Variants in CTTNBP2 observed in about 807,000 individuals in gnomAD.
CTTNBP2 encodes the protein cortactin-binding protein 2.
CTTNBP2 carries 108 observed loss-of-function variants against 156.9 expected under a neutral mutation model. That is an observed-to-expected ratio of 0.69 (90% CI 0.59 to 0.81). CTTNBP2 has a LOEUF of 0.81. Among genes scored for constraint, CTTNBP2 ranks in the 30% least tolerant of loss-of-function variants. The pLI is 0.00. For synonymous variants in CTTNBP2, 767 were observed against 751.8 expected (o/e 1.02, Z -0.33); for missense variants, 1,924 against 2,035.4 (o/e 0.95, Z 1.05).
At chr7:117,782,342 C>T (rs1033942349) in intron 6 of CTTNBP2, among the ~76,000 whole-genome samples, 1 of 152,108 alleles carries the variant, frequency 6.6e-6, no homozygotes, top group Admixed American at 6.5e-5. Context: ...TTAATAGGGT[C>T]TCTTTAGCTT....
At position 117,765,955 on chromosome 7, in the gene CTTNBP2, C is replaced by T. The variant is rs78993671; in HGVS notation, c.2896+1104G>A. 1.5e-3 allele frequency among the ~76,000 whole-genome samples: 221 copies of T among 152,300 alleles called. 3 individuals carry two copies. The East Asian group carries it at 0.041, about 28-fold the overall frequency. On this transcript the variant is annotated intron_variant, in intron 9 of 22. Transcript: ENST00000160373. ...CCTTCCAATTCCCCACCTCTAATCA[C>T]ACCTCTATCCCAGCCATGCCAATAT...
intron 11 of CTTNBP2, among the ~76,000 whole-genome samples, chr7:117,757,528 TA>T (rs56687697): frequency 0.11 from 9,623 of 91,370 alleles, 705 homozygotes; most frequent in African/African-American, 0.26. Context: ...TTAAGCACAG[TA>T]AAAAAAAAAA....
chr7:117,756,722 A>T lies in CTTNBP2; in HGVS notation c.3269-88T>A, dbSNP rs1400610591. 5.4e-6 allele frequency: 5 copies of T among 933,258 alleles called. No individual in the cohort carries two copies. In the African/African-American group the frequency reaches 8.1e-5, roughly 15 times the overall value. The allele number at this position is 933,258 out of a possible 1,614,324, so 57.8% of individuals were successfully genotyped here. Reference sequence around the variant, plus strand: ...ACAACAGAATCTATCATAGAAGATGAATGTGTTTGTTGACTTATGTAGGCA... The same window carrying T: ...ACAACAGAATCTATCATAGAAGATGTATGTGTTTGTTGACTTATGTAGGCA... On this transcript the variant is annotated intron_variant, in intron 11 of 22. Transcript: ENST00000160373.
At chr7:117,798,852 T>C (rs1179288556) in intron 3 of CTTNBP2, among the ~76,000 whole-genome samples, 1 of 151,616 alleles carries the variant, frequency 6.6e-6, no homozygotes, top group Non-Finnish European at 1.5e-5. Context: ...AAAACACAAA[T>C]TACAAATAAC....
intron 2 of CTTNBP2, among the ~76,000 whole-genome samples, chr7:117,859,150 T>C (rs1202467412): frequency 1.3e-5 from 2 of 152,190 alleles, no homozygotes; most frequent in East Asian, 1.9e-4. Flanking sequence ...ATAAATTTCA[T>C]TGCAGGATAG....
At chr7:117,730,947 C>T (rs954070998) in intron 16 of CTTNBP2, among the ~76,000 whole-genome samples, 1 of 152,082 alleles carries the variant, frequency 6.6e-6, no homozygotes, top group African/African-American at 2.4e-5. Context: ...GAAATGTTTA[C>T]AGGAATTTCA....
chr7:117,821,657 C>T (rs1584490768), intron 2 of CTTNBP2, among the ~76,000 whole-genome samples: 2 of 148,968 alleles, frequency 1.3e-5, no homozygotes, highest in Admixed American at 1.3e-4. Flanking sequence ...GGTGCAATCT[C>T]GGCTCACTGC....
intron 6 of CTTNBP2, among the ~76,000 whole-genome samples, chr7:117,782,116 T>A (rs922302961): frequency 2.0e-5 from 3 of 152,220 alleles, no homozygotes; most frequent in Non-Finnish European, 4.4e-5. Context: ...CTGGAATTTG[T>A]TAAAGAACAT....
At chr7:117,871,839 C>G (rs1361631205) in intron 1 of CTTNBP2, 1 of 603,100 alleles carries the variant, frequency 1.7e-6, no homozygotes, top group Non-Finnish European at 2.0e-6. Flanking sequence ...TTTCGTCCTT[C>G]CCCTTCACAC....
At chr7:117,718,525 A>ATAAT (rs752709951) in intron 21 of CTTNBP2, among the ~76,000 whole-genome samples, 1 of 152,228 alleles carries the variant, frequency 6.6e-6, no homozygotes, top group Admixed American at 6.5e-5. Flanking sequence ...GACGATTCAA[A>ATAAT]TAATACAGTT....
intron 9 of CTTNBP2, among the ~76,000 whole-genome samples, chr7:117,761,379 A>G (rs547933684): frequency 6.6e-6 from 1 of 152,352 alleles, no homozygotes; most frequent in Admixed American, 6.5e-5. Context: ...TGTTCTTTCC[A>G]ATTTCTCCGA....
chr7:117,787,016 A>G (rs1289529077), intron 4 of CTTNBP2, among the ~76,000 whole-genome samples: 4 of 152,206 alleles, frequency 2.6e-5, no homozygotes, highest in Admixed American at 6.5e-5. Flanking sequence ...TATAAATACC[A>G]AGTATTTTAA....
Position 117,760,722 on chromosome 7 carries a change from G to A in CTTNBP2, c.2897-12C>T. On this transcript the variant is annotated splice_polypyrimidine_tract_variant and intron_variant, in intron 9 of 22. Transcript: ENST00000160373. ...TATTTTAAGAGCATCTGTTAGAAGA[G>A]TAAAAGAATTAGGAGTTAAAAAAAT... 6.4e-7 allele frequency: 1 copy of A among 1,571,142 alleles called. No homozygotes were observed. The highest frequency in any genetic ancestry group is 8.7e-7 in the Non-Finnish European group (1 of 1,151,324).
At chr7:117,777,419 T>C (rs1798162546) in intron 8 of CTTNBP2, 92 bp downstream of exon 8, 1 of 1,278,884 alleles carries the variant, frequency 7.8e-7, no homozygotes, top group African/African-American at 1.5e-5. Context: ...AGTCTCCAAT[T>C]ATTCAATTTA....
chr7:117,820,002 G>A (rs1388187795), intron 2 of CTTNBP2, among the ~76,000 whole-genome samples: 3 of 152,204 alleles, frequency 2.0e-5, no homozygotes, highest in Non-Finnish European at 2.9e-5. Context: ...AGAGCCAGAA[G>A]TAATCTCTCT....
intron 2 of CTTNBP2, among the ~76,000 whole-genome samples, chr7:117,834,293 G>C (rs1801796340): frequency 6.6e-6 from 1 of 152,146 alleles, no homozygotes; most frequent in Admixed American, 6.5e-5. Flanking sequence ...GACCTCAGGT[G>C]ATCCATCTGC....
At chr7:117,722,898 G>C (rs1794883282) in intron 19 of CTTNBP2, among the ~76,000 whole-genome samples, 1 of 152,212 alleles carries the variant, frequency 6.6e-6, no homozygotes, top group Non-Finnish European at 1.5e-5. Flanking sequence ...GTGATTTGGA[G>C]CAGGTGCCCA....
At chr7:117,778,368 A>C (rs1221306716) in intron 7 of CTTNBP2, among the ~76,000 whole-genome samples, 1 of 152,212 alleles carries the variant, frequency 6.6e-6, no homozygotes, top group African/African-American at 2.4e-5. Flanking sequence ...TGATCATTAT[A>C]AGCTTAGAAA....
In CTTNBP2 at chr7:117,728,126, A is replaced by G; in HGVS notation, c.4018T>C (p.Cys1340Arg). The change falls in exon 17 of 23, where the codon TGT (cysteine) becomes CGT (arginine). Residue 1340 changes from cysteine (C) to arginine (R), a missense_variant. Cys to Arg is a radical substitution (Grantham distance 180). Transcript: ENST00000160373. The part of the protein sequence containing the change: ...ALLGPKYFLS[C>R]PVVPGHAQVT... ...TGGGCATGCCCAGGAACTACAGGAC[A>G]AGACAGGAAATATTTTGGTCCAAGA... 1 of 1,614,194 alleles carries G rather than the reference A, an allele frequency of 6.2e-7. No homozygotes were observed. Among genetic ancestry groups the G allele is most frequent in the South Asian group, 1.1e-5 (1 of 91,078 alleles).
Sources: allele counts gnomAD v4.1 joint callset (sites outside exome capture counted in the v4.1 genomes callset), GRCh38; gene constraint gnomAD v4.1.1; transcripts MANE v1.5; gene names NCBI Gene and HGNC (gene_info 2026-07-23, HGNC 2026-07-21).